The following NLRP11 variants were observed in gnomAD, a reference collection of about 807,000 sequenced individuals.
The protein encoded by NLRP11 is NLR family pyrin domain containing 11.
In NLRP11, 53 loss-of-function variants were observed where a neutral mutation model predicts 79.3. The observed-to-expected ratio is 0.67, with a 90% CI of 0.54 to 0.84. The LOEUF (loss-of-function observed/expected upper bound fraction) is 0.84. Among genes scored for constraint, NLRP11 ranks in the 40% least tolerant of loss-of-function variants. The pLI is 0.00. For missense variants in NLRP11, 1,264 were observed against 1,255.0 expected, an observed-to-expected ratio of 1.01 and a Z score of -0.11; for synonymous variants, 518 against 462.6, an observed-to-expected ratio of 1.12 and a Z score of -1.54.
At chr19:55,805,533 G>A (rs1326994189) in intron 4 of NLRP11, among the ~76,000 whole-genome samples, 2 of 132,272 alleles carry the variant, frequency 1.5e-5, no homozygotes, top group Non-Finnish European at 3.1e-5. Flanking sequence ...ACTGTTTAAG[G>A]TTTTGTTTTT....
upstream of NLRP11, among the ~76,000 whole-genome samples, chr19:55,833,810 T>C (rs1158411731): frequency 8.6e-6 from 1 of 116,880 alleles, no homozygotes; most frequent in Admixed American, 8.5e-5. Flanking sequence ...GGCACACGGA[T>C]GAACAAATAA....
chr19:55,807,947 C>G, exon 4 of NLRP11: 1 of 1,611,060 alleles, frequency 6.2e-7, no homozygotes, highest in Non-Finnish European at 8.5e-7. Context: ...ATATGCAGCT[C>G]CCGGAGGCTC....
intron 1 of NLRP11, among the ~76,000 whole-genome samples, chr19:55,819,716 G>A (rs1025385752): frequency 2.0e-5 from 3 of 152,110 alleles, no homozygotes; most frequent in Non-Finnish European, 4.4e-5. Flanking sequence ...TAGACTGCTC[G>A]ATCTCTAACC....
intron 9 of NLRP11, among the ~76,000 whole-genome samples, chr19:55,788,489 C>G (rs770654448): frequency 9.3e-5 from 14 of 151,290 alleles, no homozygotes; most frequent in Non-Finnish European, 1.5e-4. Context: ...GCCTATAATC[C>G]CAGCACTTCG....
At chr19:55,793,521 T>C (rs998821636) in intron 6 of NLRP11, among the ~76,000 whole-genome samples, 10 of 121,408 alleles carry the variant, frequency 8.2e-5, no homozygotes, top group African/African-American at 1.6e-4. Flanking sequence ...TGAGCCGAGA[T>C]TGCACCACTG....
Position 55,789,380 on chromosome 19 carries a change from TAAAG to T in NLRP11, c.2529_2532del (p.Phe843LeufsTer11). ...GCAATATATTGACAGATATCGCTGCTAAAGAAACAGCCAGACAGACTGCAAAACA... is the reference window on the plus strand; with the variant it reads ...GCAATATATTGACAGATATCGCTGCTAAACAGCCAGACAGACTGCAAAACA... On this transcript the variant is annotated frameshift_variant, in exon 8 of 10. Transcript: ENST00000589093. LOFTEE classifies it high-confidence loss of function. 6.2e-7 allele frequency: 1 copy of T among 1,613,526 alleles called. No individual in the cohort carries two copies. Among genetic ancestry groups the T allele is most frequent in the Non-Finnish European group, 8.5e-7 (1 of 1,179,802 alleles).
chr19:55,835,301 T>C (rs1247442322), upstream of NLRP11, among the ~76,000 whole-genome samples: 2 of 152,228 alleles, frequency 1.3e-5, no homozygotes, highest in Non-Finnish European at 2.9e-5. Context: ...GTAGGGAAGC[T>C]GGAATAGCAG....
At chr19:55,811,748 G>A (rs1481295423) in intron 2 of NLRP11, among the ~76,000 whole-genome samples, 1 of 152,062 alleles carries the variant, frequency 6.6e-6, no homozygotes, top group Non-Finnish European at 1.5e-5. Flanking sequence ...TATAAACCAT[G>A]ATTCATAATC....
At chr19:55,785,822 C>T (rs761693639) in exon 10 of NLRP11, 7 of 1,614,086 alleles carry the variant, frequency 4.3e-6, no homozygotes, top group Non-Finnish European at 4.2e-6. Context: ...CTTTCCTTTA[C>T]AGTCATCAGC....
rs193154402 is a variant in NLRP11, at chr19:55,806,788, G to A, written c.2003+1065C>T. ...CCATACATACTTGTGAGCCATCTCC[G>A]TAATACCCTTCCTGCCTCACACTGG... On this transcript the variant is annotated intron_variant, in intron 4 of 9. Coordinates refer to ENST00000589093, the Ensembl canonical transcript of NLRP11. 9.9e-5 allele frequency among the ~76,000 whole-genome samples: 15 copies of A among 152,232 alleles called. No individual in the cohort carries two copies. The East Asian group carries it at 2.5e-3, about 26-fold the overall frequency.
At chr19:55,805,904 G>T (rs923660758) in intron 4 of NLRP11, among the ~76,000 whole-genome samples, 1 of 152,104 alleles carries the variant, frequency 6.6e-6, no homozygotes, top group African/African-American at 2.4e-5. Flanking sequence ...TACCCTTCCA[G>T]AACTGTTCTT....
Position 55,812,341 on chromosome 19 carries a change from GA to G in NLRP11, c.272-2004del, listed in dbSNP as rs144217026. 2.8e-3 allele frequency among the ~76,000 whole-genome samples: 422 copies of G among 152,294 alleles called. 14 individuals carry two copies. In the East Asian group the frequency reaches 0.051, roughly 19 times the overall value. ...AGATGGCACACACAGAAGAAAGGAT[GA>G]GGGGGCACCAGCACAGATCAATAGA... On this transcript the variant is annotated intron_variant, in intron 2 of 9. Coordinates refer to ENST00000589093, the Ensembl canonical transcript of NLRP11.
intron 2 of NLRP11, among the ~76,000 whole-genome samples, chr19:55,814,932 C>A (rs1435976289): frequency 6.6e-6 from 1 of 152,158 alleles, no homozygotes. Flanking sequence ...GCAAGAGTCC[C>A]CACGGATTGT....
At chr19:55,791,321 C>T (rs890643283) in intron 7 of NLRP11, among the ~76,000 whole-genome samples, 1 of 152,138 alleles carries the variant, frequency 6.6e-6, no homozygotes, top group Non-Finnish European at 1.5e-5. Flanking sequence ...CCCAAGGCAG[C>T]TTTCCCTAAA....
intron 6 of NLRP11, among the ~76,000 whole-genome samples, chr19:55,793,260 A>AGGG (rs1042670809): frequency 5.9e-5 from 9 of 152,134 alleles, no homozygotes; most frequent in African/African-American, 1.9e-4. Flanking sequence ...TTTCCTAAAC[A>AGGG]GGGAAGGGGT....
At chr19:55,805,840 T>G (rs1355469245) in intron 4 of NLRP11, among the ~76,000 whole-genome samples, 1 of 152,118 alleles carries the variant, frequency 6.6e-6, no homozygotes. Context: ...GCACCCGCCC[T>G]AAAAGTCTTC....
intron 2 of NLRP11, among the ~76,000 whole-genome samples, chr19:55,816,858 A>G (rs897832243): frequency 2.0e-5 from 3 of 152,216 alleles, no homozygotes; most frequent in Non-Finnish European, 4.4e-5. Flanking sequence ...TAGGATCATA[A>G]AGCCACAAAA....
At chr19:55,831,126 G>A (rs183055476) in intron 1 of NLRP11, among the ~76,000 whole-genome samples, 2,509 of 21,014 alleles carry the variant, frequency 0.12, 58 homozygotes, top group African/African-American at 0.23. Context: ...CCACCCCCCC[G>A]CCCACAACCA....
intron 4 of NLRP11, among the ~76,000 whole-genome samples, chr19:55,802,210 AGAG>A (rs140226985): frequency 0.092 from 14,041 of 152,224 alleles, 793 homozygotes; most frequent in African/African-American, 0.14. Flanking sequence ...CCAAATAGGA[AGAG>A]AAGAAGTCAA....
Sources: gnomAD v4.1 joint callset for allele counts (sites outside exome capture counted in the v4.1 genomes callset) on GRCh38, gnomAD v4.1.1 for gene constraint, MANE v1.5 for transcripts, NCBI Gene and HGNC (gene_info 2026-07-23, HGNC 2026-07-21) for gene names.